The following EYA4 variants were observed in gnomAD, a reference collection of about 807,000 sequenced individuals.
EYA4 encodes EYA transcriptional coactivator and phosphatase 4.
EYA4 carries 31 observed loss-of-function variants against 87.9 expected under a neutral mutation model. The ratio of observed to expected loss-of-function variants is 0.35; its 90% CI spans 0.27 to 0.48. EYA4 has a LOEUF of 0.48. EYA4 is among the 20% of genes least tolerant of loss of function. The pLI is 0.99. For synonymous variants in EYA4, 263 were observed against 270.6 expected (o/e 0.97, Z 0.28); for missense variants, 678 against 761.4 (o/e 0.89, Z 1.29).
At chr6:133,279,740 C>A (rs1246123285) in intron 2 of EYA4, among the ~76,000 whole-genome samples, 3 of 152,042 alleles carry the variant, frequency 2.0e-5, no homozygotes, top group Non-Finnish European at 4.4e-5. Context: ...AGAGATCCTA[C>A]AGTATTATCT....
chr6:133,526,808 A>G (rs556191916), intron 19 of EYA4, among the ~76,000 whole-genome samples: 2 of 152,206 alleles, frequency 1.3e-5, no homozygotes, highest in Non-Finnish European at 2.9e-5. Flanking sequence ...TATTGGCACC[A>G]TAGTTATACA....
chr6:133,269,142 C>T lies in EYA4; in HGVS notation c.-65-5574C>T, dbSNP rs1776477056. 1.3e-5 allele frequency among the ~76,000 whole-genome samples: 2 copies of T among 152,190 alleles called. 1 individual carries two copies. Among genetic ancestry groups the T allele is most frequent in the Middle Eastern group, 6.8e-3 (2 of 294 alleles). On this transcript the variant is annotated intron_variant, in intron 1 of 19. Transcript: ENST00000355286. ...GGCGTGGTGGCACGCTCCTGTAGTC[C>T]CAGCTACTTGGGAGGCTGAGTCACA...
At chr6:133,380,995 CT>C (rs968167080) in intron 2 of EYA4, among the ~76,000 whole-genome samples, 1 of 148,204 alleles carries the variant, frequency 6.7e-6, no homozygotes, top group Admixed American at 6.8e-5. Flanking sequence ...TTTTCTTCCT[CT>C]TCTTTTCCTC....
At chr6:133,521,656 A>G (rs1583554642) in intron 17 of EYA4, among the ~76,000 whole-genome samples, 1 of 40,686 alleles carries the variant, frequency 2.5e-5, no homozygotes, top group East Asian at 6.2e-4. Flanking sequence ...CTATAAAGAC[A>G]CATGCACACG....
In EYA4 at chr6:133,358,108, C is replaced by T. The variant is rs72995998; in HGVS notation, c.34-24284C>T. Among the ~76,000 whole-genome samples the T allele has an allele frequency of 6.5e-3, 987 of 152,242 alleles. 6 individuals are homozygous for T. The highest frequency in any genetic ancestry group is 0.023 in the South Asian group (113 of 4,822). On this transcript the variant is annotated intron_variant, in intron 2 of 19. Coordinates refer to ENST00000355286, the MANE Select transcript of EYA4 (RefSeq NM_004100.5). ...TAGCTTCATAGCTGCTGTTTACTTA[C>T]TGTTAATTTTATTGAAGTTTATGCT...
At chr6:133,304,326 G>A (rs760797613) in intron 2 of EYA4, among the ~76,000 whole-genome samples, 220 of 152,190 alleles carry the variant, frequency 1.4e-3, no homozygotes, top group African/African-American at 5.2e-3. Context: ...GAGCTGTGCC[G>A]GATTCTCTGG....
intron 3 of EYA4, among the ~76,000 whole-genome samples, chr6:133,438,462 T>A (rs1411190491): frequency 2.7e-5 from 4 of 150,258 alleles, no homozygotes; most frequent in Non-Finnish European, 5.9e-5. Context: ...GCTTCAGTGA[T>A]ATCATTAAGC....
At chr6:133,429,252 C>T (rs1790966299) in intron 3 of EYA4, among the ~76,000 whole-genome samples, 1 of 151,950 alleles carries the variant, frequency 6.6e-6, no homozygotes, top group South Asian at 2.1e-4. Flanking sequence ...AGGCACCAGC[C>T]TTTGCTGGTG....
rs146604270 is a variant in EYA4 at position 133,377,367 on chromosome 6, C to G, written c.34-5025C>G. Among the ~76,000 whole-genome samples the G allele has an allele frequency of 4.0e-3, 608 of 152,080 alleles. 1 individual carries two copies. The highest frequency in any genetic ancestry group is 5.6e-3 in the Non-Finnish European group (381 of 67,960). ...TTTACACTAACAGCACATCTCCGTTCAATTCAGCCACATTTCAAGCTCTAA... is the reference window on the plus strand; with the variant it reads ...TTTACACTAACAGCACATCTCCGTTGAATTCAGCCACATTTCAAGCTCTAA... On this transcript the variant is annotated intron_variant, in intron 2 of 19. Coordinates refer to ENST00000355286, the MANE Select transcript of EYA4 (RefSeq NM_004100.5).
intron 2 of EYA4, among the ~76,000 whole-genome samples, chr6:133,294,699 C>G (rs1009365705): frequency 6.6e-6 from 1 of 152,098 alleles, no homozygotes; most frequent in Admixed American, 6.6e-5. Context: ...TCCAGAGTAC[C>G]TGGGACTACA....
chr6:133,263,207 A>G (rs890248344), intron 1 of EYA4, among the ~76,000 whole-genome samples: 3 of 152,226 alleles, frequency 2.0e-5, no homozygotes, highest in African/African-American at 7.2e-5. Flanking sequence ...TAACAGGAAT[A>G]TAAACTGTTA....
chr6:133,526,292 T>A (rs937709743), intron 19 of EYA4, among the ~76,000 whole-genome samples: 1 of 152,190 alleles, frequency 6.6e-6, no homozygotes, highest in Non-Finnish European at 1.5e-5. Flanking sequence ...CTGTTTTACA[T>A]AGAAAGAATG....
intron 2 of EYA4, among the ~76,000 whole-genome samples, chr6:133,339,011 C>T (rs1782587365): frequency 6.6e-6 from 1 of 152,020 alleles, no homozygotes; most frequent in South Asian, 2.1e-4. Flanking sequence ...ATCAGTAAAC[C>T]TTATTAGGTG....
intron 2 of EYA4, among the ~76,000 whole-genome samples, chr6:133,355,938 A>C (rs1783984498): frequency 6.6e-6 from 1 of 152,056 alleles, no homozygotes; most frequent in Non-Finnish European, 1.5e-5. Context: ...CATTTCTCAC[A>C]GGTCTGGAGA....
chr6:133,403,732 T>G (rs1583186885), intron 3 of EYA4, among the ~76,000 whole-genome samples: 1 of 152,222 alleles, frequency 6.6e-6, no homozygotes, highest in African/African-American at 2.4e-5. Flanking sequence ...AACTCTCATA[T>G]AAGGAAGGAA....
chr6:133,408,944 A>T (rs1328459402), intron 3 of EYA4, among the ~76,000 whole-genome samples: 1 of 152,158 alleles, frequency 6.6e-6, no homozygotes, highest in African/African-American at 2.4e-5. Flanking sequence ...CATAGTGAAA[A>T]AAAGAGTTCA....
intron 3 of EYA4, among the ~76,000 whole-genome samples, chr6:133,396,473 T>C (rs1397354679): frequency 6.6e-6 from 1 of 152,182 alleles, no homozygotes; most frequent in Non-Finnish European, 1.5e-5. Context: ...GTGCAACAGC[T>C]GTTGTAGTAA....
intron 10 of EYA4, among the ~76,000 whole-genome samples, chr6:133,466,301 T>A (rs1374144856): frequency 6.6e-6 from 1 of 152,172 alleles, no homozygotes; most frequent in Admixed American, 6.6e-5. Context: ...GAGTTAATCA[T>A]AGAACAGATC....
At chr6:133,251,794 A>T (rs765580111) in intron 1 of EYA4, among the ~76,000 whole-genome samples, 15 of 152,016 alleles carry the variant, frequency 9.9e-5, no homozygotes, top group Admixed American at 3.3e-4. Context: ...AGAACCCATA[A>T]CCTAAGCAGA....
Sources: allele counts gnomAD v4.1 joint callset (sites outside exome capture counted in the v4.1 genomes callset), GRCh38; gene constraint gnomAD v4.1.1; transcripts MANE v1.5; gene names NCBI Gene and HGNC (gene_info 2026-07-23, HGNC 2026-07-21).